The following CLNK variants were observed in gnomAD, a reference collection of about 807,000 sequenced individuals.
The protein encoded by CLNK is cytokine dependent hematopoietic cell linker.
CLNK carries 74 observed loss-of-function variants against 68.6 expected under a neutral mutation model. That is an observed-to-expected ratio of 1.08 (90% CI 0.89 to 1.31). The LOEUF (loss-of-function observed/expected upper bound fraction) is 1.31. Ranked by LOEUF, CLNK falls within the 50% of genes most tolerant of loss-of-function variation. CLNK has a pLI of 0.00. For synonymous variants in CLNK, 198 were observed against 172.2 expected, an observed-to-expected ratio of 1.15 and a Z score of -1.17; for missense variants, 553 against 515.3, an observed-to-expected ratio of 1.07 and a Z score of -0.71.
chr4:10,707,290 A>T, the CLNK span, among the ~76,000 whole-genome samples: 1 of 152,252 alleles, frequency 6.6e-6, no homozygotes, highest in African/African-American at 2.4e-5. Context: ...ATTTGTGATT[A>T]CATTCAAAGC....
intron 3 of CLNK, among the ~76,000 whole-genome samples, chr4:10,596,200 T>G (rs1721378003): frequency 6.6e-6 from 1 of 152,096 alleles, no homozygotes; most frequent in South Asian, 2.1e-4. Context: ...TACTTTTGTA[T>G]TTTTAGTAGA....
chr4:10,550,269 G>A (rs968373601), intron 8 of CLNK, among the ~76,000 whole-genome samples: 2 of 152,106 alleles, frequency 1.3e-5, no homozygotes, highest in African/African-American at 2.4e-5. Flanking sequence ...CGAGGCGGGC[G>A]GATGACGAGG....
the CLNK span, chr4:10,692,005 T>C: frequency 6.6e-6 from 1 of 152,074 alleles, no homozygotes; most frequent in South Asian, 2.1e-4. Context: ...TTTTCAACTT[T>C]CTCATTCTCT....
intron 2 of CLNK, among the ~76,000 whole-genome samples, chr4:10,599,670 C>G (rs1324552711): frequency 1.3e-5 from 2 of 152,186 alleles, no homozygotes; most frequent in African/African-American, 4.8e-5. Context: ...GGTTTCCACA[C>G]CAGTAGCCTG....
At chr4:10,596,584 TTTTAGTTGA>T (rs1484755314) in intron 3 of CLNK, among the ~76,000 whole-genome samples, 4 of 152,236 alleles carry the variant, frequency 2.6e-5, no homozygotes, top group African/African-American at 9.6e-5. Flanking sequence ...TTTCAGACAT[TTTTAGTTGA>T]TTTATATATC....
the CLNK span, among the ~76,000 whole-genome samples, chr4:10,711,448 G>A: frequency 8.5e-5 from 13 of 152,264 alleles, no homozygotes; most frequent in Admixed American, 7.2e-4. Context: ...AATATAAAAA[G>A]TATATATTAA....
intron 2 of CLNK, among the ~76,000 whole-genome samples, chr4:10,606,926 C>T (rs1376434312): frequency 6.6e-6 from 1 of 152,220 alleles, no homozygotes; most frequent in Non-Finnish European, 1.5e-5. Flanking sequence ...TAGTAAGCAT[C>T]TAGGTTGTTG....
intron 2 of CLNK, among the ~76,000 whole-genome samples, chr4:10,616,760 A>T (rs1183850249): frequency 1.3e-5 from 2 of 150,214 alleles, no homozygotes; most frequent in Non-Finnish European, 3.0e-5. Context: ...CATTTATAAT[A>T]AAGTTGTGTG....
At chr4:10,726,330 A>T in the CLNK span, among the ~76,000 whole-genome samples, 1 of 152,206 alleles carries the variant, frequency 6.6e-6, no homozygotes, top group East Asian at 1.9e-4. Context: ...CATGTTGGCC[A>T]GGATGGTCTC....
chr4:10,606,904 GT>G (rs1244200967), intron 2 of CLNK, among the ~76,000 whole-genome samples: 2 of 152,190 alleles, frequency 1.3e-5, no homozygotes, highest in Non-Finnish European at 2.9e-5. Context: ...GAAAAAAAAT[GT>G]TTTTAACAGG....
chr4:10,543,588 CAG>C (rs1719118682), intron 8 of CLNK, among the ~76,000 whole-genome samples: 1 of 152,178 alleles, frequency 6.6e-6, no homozygotes, highest in Admixed American at 6.5e-5. Flanking sequence ...GGCTTAATTT[CAG>C]CCCGCTCTCC....
chr4:10,616,083 A>G (rs1722215073), intron 2 of CLNK, among the ~76,000 whole-genome samples: 1 of 152,250 alleles, frequency 6.6e-6, no homozygotes, highest in South Asian at 2.1e-4. Context: ...AAAGATAATG[A>G]ATATACAAAA....
chr4:10,622,200 G>T (rs1274193985), intron 2 of CLNK, among the ~76,000 whole-genome samples: 5 of 152,102 alleles, frequency 3.3e-5, no homozygotes, highest in Non-Finnish European at 7.3e-5. Flanking sequence ...ATTGTTAGGG[G>T]CATAGCCAGC....
At chr4:10,730,159 G>A in the CLNK span, among the ~76,000 whole-genome samples, 45 of 152,252 alleles carry the variant, frequency 3.0e-4, no homozygotes, top group African/African-American at 1.1e-3. Context: ...CACCTACCTG[G>A]CAAGCTCACG....
the CLNK span, among the ~76,000 whole-genome samples, chr4:10,701,681 C>G: frequency 6.6e-6 from 1 of 152,216 alleles, no homozygotes; most frequent in Non-Finnish European, 1.5e-5. Context: ...CATTTATTAG[C>G]TCATTTGATC....
Position 10,513,606 on chromosome 4 carries a change from G to T in CLNK, c.773-9C>A. On this transcript the variant is annotated splice_polypyrimidine_tract_variant and intron_variant, in intron 15 of 18. Transcript: ENST00000226951. ...CATGCCTCCTCTATGATCTGGAAAGGTTAAATTCACATTTCAGTGTGATTT... is the reference window on the plus strand; with the variant it reads ...CATGCCTCCTCTATGATCTGGAAAGTTTAAATTCACATTTCAGTGTGATTT... 6.3e-7 allele frequency: 1 copy of T among 1,587,544 alleles called. No individual in the cohort carries two copies. The highest frequency in any genetic ancestry group is 8.6e-7 in the Non-Finnish European group (1 of 1,167,088).
At chr4:10,717,836 C>G in the CLNK span, among the ~76,000 whole-genome samples, 55 of 152,232 alleles carry the variant, frequency 3.6e-4, no homozygotes, top group African/African-American at 1.3e-3. Flanking sequence ...TACCAAGAAC[C>G]ATAAAATTTC....
At chr4:10,685,989 T>C (rs984552323), upstream of CLNK, among the ~76,000 whole-genome samples, 1 of 152,160 alleles carries the variant, frequency 6.6e-6, no homozygotes. Context: ...TCTGGGGTTT[T>C]CATAACAAAG....
intron 2 of CLNK, among the ~76,000 whole-genome samples, chr4:10,600,087 A>G (rs1455803105): frequency 6.6e-6 from 1 of 151,676 alleles, no homozygotes; most frequent in Non-Finnish European, 1.5e-5. Context: ...TTGCTCCTTT[A>G]TTTCCTGCTA....
Sources: gnomAD v4.1 joint callset for allele counts (sites outside exome capture counted in the v4.1 genomes callset) on GRCh38, gnomAD v4.1.1 for gene constraint, MANE v1.5 for transcripts, NCBI Gene and HGNC (gene_info 2026-07-23, HGNC 2026-07-21) for gene names.